The following PRAG1 variants were observed in gnomAD, a reference collection of about 807,000 sequenced individuals.
PRAG1 encodes inactive tyrosine-protein kinase PRAG1.
Under a neutral mutation model 95.6 loss-of-function variants are expected in PRAG1, and 110 were observed. The observed-to-expected ratio is 1.15, with a 90% CI of 0.99 to 1.35. PRAG1 has a LOEUF of 1.35. PRAG1 is among the 40% of genes most tolerant of loss of function. PRAG1 has a pLI of 0.00. For missense variants in PRAG1, 2,554 were observed against 1,864.7 expected (o/e 1.37, Z -6.81); for synonymous variants, 1,052 against 819.4 (o/e 1.28, Z -4.85).
intron 5 of PRAG1, among the ~76,000 whole-genome samples, chr8:8,324,914 C>G (rs910952976): frequency 3.3e-5 from 5 of 152,122 alleles, no homozygotes; most frequent in Non-Finnish European, 5.9e-5. Flanking sequence ...CAAGAACCAG[C>G]TTTATCTCCT....
chr8:8,377,677 G>A lies in PRAG1; in HGVS notation c.732C>T (p.Pro244=), dbSNP rs760153052. Residue 244 remains proline (P), a synonymous_variant, in exon 3 of 6, where the codon CCC becomes CCT. Coordinates refer to ENST00000615670, the MANE Select transcript of PRAG1 (RefSeq NM_001080826.3). ...SEDDSDQRCS[P]SGDSEGGEYC... is the part of the protein sequence containing the mutation. ...ACTCTCCACCCTCGCTGTCCCCGGA[G>A]GGCGAGCACCTTTGATCACTGTCAT... 6.2e-6 allele frequency: 10 copies of A among 1,613,768 alleles called. No homozygotes were observed. The East Asian group carries it at 1.8e-4, about 29-fold the overall frequency.
chr8:8,380,852 CAAAAAAAAA>C (rs71217290), intron 2 of PRAG1, among the ~76,000 whole-genome samples: 2 of 64,448 alleles, frequency 3.1e-5, no homozygotes, highest in Admixed American at 1.5e-4. Context: ...GACTCCATCT[CAAAAAAAAA>C]AAAAAAAAAA....
chr8:8,323,851 T>C (rs1248123977), intron 5 of PRAG1, among the ~76,000 whole-genome samples: 2 of 152,218 alleles, frequency 1.3e-5, no homozygotes, highest in African/African-American at 4.8e-5. Context: ...CCCTTACACG[T>C]ATCCAGAAAT....
At position 8,367,082 on chromosome 8, in the gene PRAG1, A is replaced by G. The variant is rs142963865; in HGVS notation, c.2162+9165T>C. Among the ~76,000 whole-genome samples, 133 of 152,260 alleles carry G rather than the reference A, an allele frequency of 8.7e-4. 1 individual carries two copies. In the Middle Eastern group the frequency reaches 0.024, roughly 27 times the overall value. On this transcript the variant is annotated intron_variant, in intron 3 of 5. Coordinates refer to ENST00000615670, the MANE Select transcript of PRAG1 (RefSeq NM_001080826.3). The stretch of plus-strand genomic sequence containing the variant: ...CCTCCCTACAACCTGCAGACACCAC[A>G]AATAGATGATGGCCAGCATTCCTGA...
At position 8,380,831 on chromosome 8, in the gene PRAG1, C is replaced by T. The variant is rs368542033; in HGVS notation, c.330+587G>A. Among the ~76,000 whole-genome samples, 10 of 124,242 alleles carry T rather than the reference C, an allele frequency of 8.0e-5. No homozygotes were observed. The East Asian group carries it at 1.5e-3, about 19-fold the overall frequency. 81.5% of individuals were successfully genotyped at this position (124,242 alleles called of 152,430 possible). ...TCGCACCACTACACTCCAGCCTGGA[C>T]GACAGAGAGAGACTCCATCTCAAAA... On this transcript the variant is annotated intron_variant, in intron 2 of 5. Transcript: ENST00000615670.
At position 8,377,635 on chromosome 8, in the gene PRAG1, G is replaced by C. The variant is rs778300543; in HGVS notation, c.774C>G (p.Asp258Glu). 3 of 1,613,508 alleles carry C rather than the reference G, an allele frequency of 1.9e-6. No individual in the cohort carries two copies. Among genetic ancestry groups the C allele is most frequent in the Non-Finnish European group, 1.7e-6 (2 of 1,180,018 alleles). ...TGGCAACAGGGCTCCCAGGGCAGCA[G>C]TCCAGGATGGAGCAGTACTCTCCAC... ...SEGGEYCSILDCCPGSPVAKA... is the reference protein window; with the variant it reads ...SEGGEYCSILECCPGSPVAKA... Residue 258 changes from aspartate to glutamate, a missense_variant, in exon 3 of 6, where the codon GAC (aspartate) becomes GAG (glutamate). Transcript: ENST00000615670.
intron 4 of PRAG1, among the ~76,000 whole-genome samples, chr8:8,335,124 G>T (rs77985821): frequency 6.6e-6 from 1 of 151,982 alleles, no homozygotes; most frequent in Non-Finnish European, 1.5e-5. Context: ...CATTTTTAGA[G>T]GATACTTTGG....
intron 3 of PRAG1, among the ~76,000 whole-genome samples, chr8:8,362,539 G>T (rs1232540300): frequency 2.0e-5 from 3 of 152,172 alleles, no homozygotes; most frequent in Non-Finnish European, 4.4e-5. Flanking sequence ...ACAAGGCAGT[G>T]GGGCACCTCC....
chr8:8,339,197 T>C (rs1799088670), intron 4 of PRAG1, among the ~76,000 whole-genome samples: 1 of 152,246 alleles, frequency 6.6e-6, no homozygotes, highest in East Asian at 1.9e-4. Flanking sequence ...CACAGATGGC[T>C]CATTACCCAA....
At chr8:8,325,431 A>C (rs949711168) in intron 5 of PRAG1, among the ~76,000 whole-genome samples, 7 of 152,180 alleles carry the variant, frequency 4.6e-5, no homozygotes, top group Non-Finnish European at 1.0e-4. Flanking sequence ...TAGAGGGCTA[A>C]GGCTTATCTT....
chr8:8,328,740 C>G lies in PRAG1; in HGVS notation c.2321-279G>C, dbSNP rs191781487. Among the ~76,000 whole-genome samples, 56 of 152,280 alleles carry G rather than the reference C, an allele frequency of 3.7e-4. 1 individual carries two copies. The East Asian group carries it at 0.01, about 27-fold the overall frequency. On this transcript the variant is annotated intron_variant, in intron 4 of 5. Transcript: ENST00000615670. ...TGTCAGTAGTGTTTCATGCATCCCT[C>G]CAACAATCCAAACAAATGCGTGCCT...
At chr8:8,381,879 G>C (rs141116134) in intron 1 of PRAG1, 45 bp from the exon 2 acceptor site, 1 of 653,952 alleles carries the variant, frequency 1.5e-6, no homozygotes, top group Non-Finnish European at 2.6e-6. Context: ...TGCCATGCCA[G>C]ACAATGGGTG....
chr8:8,342,651 C>G (rs1476411684), intron 3 of PRAG1, among the ~76,000 whole-genome samples: 1 of 152,038 alleles, frequency 6.6e-6, no homozygotes, highest in Non-Finnish European at 1.5e-5. Context: ...AGGACACAGA[C>G]CCAAGAAACA....
At chr8:8,360,000 C>T (rs11778125) in intron 3 of PRAG1, among the ~76,000 whole-genome samples, 53,219 of 151,908 alleles carry the variant, frequency 0.35, 9,906 homozygotes, top group East Asian at 0.58. Context: ...ACTGTCAATT[C>T]CTCTGAGGAA....
At position 8,381,559 on chromosome 8, in the gene PRAG1, C is replaced by T. The variant is rs868616357; in HGVS notation, c.189G>A (p.Arg63=). The T allele has an allele frequency of 1.2e-6, 2 of 1,614,054 alleles. No homozygotes were observed. The highest frequency in any genetic ancestry group is 2.2e-5 in the East Asian group (1 of 44,860). The change falls in exon 2 of 6, where the codon AGG becomes AGA. Residue 63 remains arginine, a synonymous_variant. Transcript: ENST00000615670. ...CATCTTCCAGGCGGCAGTTCTCAGG[C>T]CTGGGAGGCAGGCGCGGTGGAGGGG... ...SLPPPPRLPP[R]PENCRLEDEG...
At chr8:8,382,978 A>G (rs951372269) in intron 1 of PRAG1, among the ~76,000 whole-genome samples, 1 of 152,212 alleles carries the variant, frequency 6.6e-6, no homozygotes, top group Admixed American at 6.5e-5. Flanking sequence ...CTGACTTCCC[A>G]TAAGGAGAAT....
chr8:8,336,489 G>A (rs2117137540), intron 4 of PRAG1, among the ~76,000 whole-genome samples: 1 of 152,306 alleles, frequency 6.6e-6, no homozygotes, highest in South Asian at 2.1e-4. Flanking sequence ...CTTGCACTGA[G>A]TTGACTGGCT....
In PRAG1 at chr8:8,328,403, G is replaced by A. The variant is rs976425806; in HGVS notation, c.2379C>T (p.Pro793=). 7 of 1,613,728 alleles carry A rather than the reference G, an allele frequency of 4.3e-6. No homozygotes were observed. Among genetic ancestry groups the A allele is most frequent in the East Asian group, 2.2e-5 (1 of 44,874 alleles). ...PTNSGKKLFA[P]VPFPSGSTED... is the part of the protein sequence containing the mutation. ...CAGTGGAGCCTGAAGGAAACGGAAC[G>A]GGAGCAAAGAGCTTCTTCCCGCTGT... is the stretch of plus-strand genomic sequence containing the variant. The change falls in exon 5 of 6, where the codon CCC becomes CCT. Residue 793 remains proline, a synonymous_variant. Coordinates refer to ENST00000615670, the MANE Select transcript of PRAG1 (RefSeq NM_001080826.3).
intron 3 of PRAG1, among the ~76,000 whole-genome samples, chr8:8,369,408 A>G (rs766282059): frequency 6.6e-6 from 1 of 152,244 alleles, no homozygotes; most frequent in African/African-American, 2.4e-5. Flanking sequence ...AGGCCTGTAC[A>G]GAGTACTGGG....
Sources: gnomAD v4.1 joint callset for allele counts (sites outside exome capture counted in the v4.1 genomes callset) on GRCh38, gnomAD v4.1.1 for gene constraint, MANE v1.5 for transcripts, NCBI Gene and HGNC (gene_info 2026-07-23, HGNC 2026-07-21) for gene names.